The following CCDC171 variants were observed in gnomAD, a reference collection of about 807,000 sequenced individuals.
CCDC171 encodes coiled-coil domain-containing protein 171.
CCDC171 carries 177 observed loss-of-function variants against 168.2 expected under a neutral mutation model. That is an observed-to-expected ratio of 1.05 (90% CI 0.93 to 1.19). The LOEUF (loss-of-function observed/expected upper bound fraction) is 1.19, where lower values mean the gene tolerates loss of function less well. Among genes scored for constraint, CCDC171 ranks in the 50% most tolerant of loss-of-function variants. The pLI, the probability that CCDC171 is intolerant of heterozygous loss-of-function variation, is 0.00. For synonymous variants in CCDC171, 687 were observed against 540.8 expected, an observed-to-expected ratio of 1.27 and a Z score of -3.75; for missense variants, 1,991 against 1,539.0, an observed-to-expected ratio of 1.29 and a Z score of -4.91.
intron 25 of CCDC171, among the ~76,000 whole-genome samples, chr9:15,934,994 G>A (rs961980313): frequency 1.4e-4 from 22 of 152,224 alleles, no homozygotes; most frequent in Non-Finnish European, 2.8e-4. Context: ...GTGATTGACA[G>A]AGGCTAGGGG....
rs191749693 is a variant in CCDC171, at chr9:15,651,317, C to T, written c.823-5810C>T. Among the ~76,000 whole-genome samples, 209 of 152,198 alleles carry T rather than the reference C, an allele frequency of 1.4e-3. 1 individual carries two copies. The highest frequency in any genetic ancestry group is 4.3e-3 in the African/African-American group (177 of 41,548). On this transcript the variant is annotated intron_variant, in intron 7 of 25. Coordinates refer to ENST00000380701, the MANE Select transcript of CCDC171 (RefSeq NM_173550.4). ...AGAGACAGGGTTTTGCCATGTTGGC[C>T]AGCCTGGTCTTGAACTCCTGACCTC... is the stretch of plus-strand genomic sequence containing the variant.
chr9:15,905,907 A>G (rs1222894296), intron 24 of CCDC171, among the ~76,000 whole-genome samples: 1 of 152,244 alleles, frequency 6.6e-6, no homozygotes, highest in Non-Finnish European at 1.5e-5. Flanking sequence ...CTACGCAAAT[A>G]AACTAGAAAA....
Position 15,979,717 on chromosome 9 carries a change from T to C in CCDC171, n.369-40872T>C, listed in dbSNP as rs551220425. Among the ~76,000 whole-genome samples, 8 of 152,134 alleles carry C rather than the reference T, an allele frequency of 5.3e-5. No individual in the cohort carries two copies. The South Asian group carries it at 1.7e-3, about 32-fold the overall frequency. On this transcript the variant is annotated intron_variant and non_coding_transcript_variant, in intron 3 of 9. Coordinates refer to the CCDC171 transcript ENST00000486641. Reference sequence around the variant, plus strand: ...GTTTCCTAGGATTTGTTGGAGATTTTGCATCTCTGAAAATAAGGAGTATTT... The same window carrying C: ...GTTTCCTAGGATTTGTTGGAGATTTCGCATCTCTGAAAATAAGGAGTATTT...
intron 15 of CCDC171, among the ~76,000 whole-genome samples, chr9:15,729,335 A>G (rs1387142054): frequency 3.9e-5 from 6 of 152,172 alleles, no homozygotes; most frequent in African/African-American, 1.4e-4. Context: ...CTCAATCTCA[A>G]TCAAATTAAT....
intron 10 of CCDC171, among the ~76,000 whole-genome samples, chr9:15,682,649 A>G (rs557857357): frequency 6.6e-6 from 1 of 151,878 alleles, no homozygotes; most frequent in African/African-American, 2.4e-5. Context: ...AAAAGATATA[A>G]CTAATAAATT....
At chr9:15,892,541 C>G (rs945283722) in intron 24 of CCDC171, among the ~76,000 whole-genome samples, 1 of 152,034 alleles carries the variant, frequency 6.6e-6, no homozygotes, top group Non-Finnish European at 1.5e-5. Flanking sequence ...AACCTGGCAT[C>G]CTGGGGATGA....
intron 6 of CCDC171, among the ~76,000 whole-genome samples, chr9:15,609,744 T>C (rs1363435060): frequency 6.6e-6 from 1 of 152,232 alleles, no homozygotes; most frequent in African/African-American, 2.4e-5. Context: ...AGAATAAGTC[T>C]TGATATCTGG....
At chr9:15,757,309 G>C (rs2056182436) in intron 18 of CCDC171, among the ~76,000 whole-genome samples, 5 of 152,194 alleles carry the variant, frequency 3.3e-5, no homozygotes, top group Admixed American at 1.3e-4. Context: ...GGAACTTGTA[G>C]GGTATTGGAG....
intron 3 of CCDC171, among the ~76,000 whole-genome samples, chr9:15,986,688 TA>T (rs1832001820): frequency 6.6e-6 from 1 of 152,226 alleles, no homozygotes; most frequent in Admixed American, 6.5e-5. Context: ...TGGCACTCTG[TA>T]AAAGTAACTA....
intron 18 of CCDC171, among the ~76,000 whole-genome samples, chr9:15,766,116 A>G (rs2056708544): frequency 6.6e-6 from 1 of 152,144 alleles, no homozygotes; most frequent in African/African-American, 2.4e-5. Context: ...TGGATTCCTC[A>G]GCTATGACAC....
chr9:15,632,357 A>G (rs1410102410), intron 7 of CCDC171, among the ~76,000 whole-genome samples: 2 of 152,020 alleles, frequency 1.3e-5, no homozygotes, highest in South Asian at 4.2e-4. Context: ...AAAAATCACA[A>G]GCATTCTTAT....
chr9:15,723,786 C>A, intron 13 of CCDC171, 40 bp downstream of exon 13: 2 of 960,982 alleles, frequency 2.1e-6, no homozygotes, highest in Non-Finnish European at 3.2e-6. Flanking sequence ...TATTAAGAAA[C>A]AAATATAGTT....
intron 2 of CCDC171, among the ~76,000 whole-genome samples, chr9:15,565,137 G>A (rs974159272): frequency 7.1e-5 from 10 of 140,996 alleles, no homozygotes; most frequent in African/African-American, 2.4e-4. Context: ...CGCCCAGATT[G>A]GAGTGCAGTG....
intron 9 of CCDC171, among the ~76,000 whole-genome samples, chr9:15,668,942 T>G (rs2133209188): frequency 6.6e-6 from 1 of 152,322 alleles, no homozygotes; most frequent in South Asian, 2.1e-4. Context: ...GTCTTTAAGG[T>G]AAATAATACC....
chr9:15,758,843 A>G (rs1221744332), intron 18 of CCDC171, among the ~76,000 whole-genome samples: 22 of 152,174 alleles, frequency 1.4e-4, no homozygotes, highest in Admixed American at 1.4e-3. Flanking sequence ...TGCCACTGCC[A>G]TGTGAGATAC....
chr9:16,050,226 T>G (rs1833729294), intron 1 of CCDC171, among the ~76,000 whole-genome samples: 1 of 152,242 alleles, frequency 6.6e-6, no homozygotes, highest in African/African-American at 2.4e-5. Context: ...AAGATCTGTA[T>G]AATTGTTGAT....
intron 18 of CCDC171, among the ~76,000 whole-genome samples, chr9:15,756,476 C>G (rs1436088316): frequency 6.6e-6 from 1 of 152,048 alleles, no homozygotes; most frequent in Non-Finnish European, 1.5e-5. Flanking sequence ...ACGAATGATT[C>G]TGTCACCCAG....
Position 15,955,461 on chromosome 9 carries a change from G to T in CCDC171, c.3754-16148G>T, listed in dbSNP as rs552779931. On this transcript the variant is annotated intron_variant, in intron 25 of 25. Transcript: ENST00000380701. ...ACAGATCCTGATATTTGGAGAACAA[G>T]GTTCTTTTTGCCTACCCTGGCTCCT... is the stretch of plus-strand genomic sequence containing the variant. 2.0e-4 allele frequency among the ~76,000 whole-genome samples: 30 copies of T among 152,210 alleles called. 1 individual carries two copies. The South Asian group carries it at 5.6e-3, about 28-fold the overall frequency.
At chr9:15,586,161 TG>T (rs1482496132) in intron 4 of CCDC171, among the ~76,000 whole-genome samples, 1 of 152,218 alleles carries the variant, frequency 6.6e-6, no homozygotes, top group Non-Finnish European at 1.5e-5. Context: ...AAATGTATGA[TG>T]GACTGCTGGG....
Sources: gnomAD v4.1 joint callset for allele counts (sites outside exome capture counted in the v4.1 genomes callset) on GRCh38, gnomAD v4.1.1 for gene constraint, MANE v1.5 for transcripts, NCBI Gene and HGNC (gene_info 2026-07-23, HGNC 2026-07-21) for gene names.